Variants in BBS9 observed in about 807,000 individuals in gnomAD.
BBS9 encodes the protein protein PTHB1.
Under a neutral mutation model 117.7 loss-of-function variants are expected in BBS9, and 89 were observed. The ratio of observed to expected loss-of-function variants is 0.76; its 90% CI spans 0.64 to 0.90. The LOEUF (loss-of-function observed/expected upper bound fraction) is 0.90. Among genes scored for constraint, BBS9 ranks in the 40% least tolerant of loss-of-function variants. The pLI, the probability that BBS9 is intolerant of heterozygous loss-of-function variation, is 0.00. For synonymous variants in BBS9, 379 were observed against 370.9 expected, an observed-to-expected ratio of 1.02 and a Z score of -0.25; for missense variants, 982 against 1,042.2, an observed-to-expected ratio of 0.94 and a Z score of 0.80.
chr7:33,306,985 G>A (rs1240361712), intron 9 of BBS9, among the ~76,000 whole-genome samples: 4 of 152,052 alleles, frequency 2.6e-5, no homozygotes, highest in Non-Finnish European at 4.4e-5. Flanking sequence ...GTATGTACGC[G>A]GTATCTGTGA....
At chr7:33,357,804 G>A in intron 15 of BBS9, 51 bp from the exon 16 acceptor site, 1 of 1,558,104 alleles carries the variant, frequency 6.4e-7, no homozygotes, top group Non-Finnish European at 8.8e-7. Context: ...ATTTTTTTTT[G>A]CCAAATTATT....
Position 33,605,198 on chromosome 7 carries a change from T to A in BBS9, c.2636T>A (p.Val879Asp), listed in dbSNP as rs976242629. Residue 879 changes from valine to aspartate, a missense_variant, in exon 23 of 23, where the codon GTT becomes GAT. Physicochemically the swap from Val to Asp is radical, Grantham distance 152 (BLOSUM62 -3). Coordinates refer to ENST00000242067, the MANE Select transcript of BBS9 (RefSeq NM_198428.3). Reference protein sequence around the residue: ...HLTAETPRPEVSPLQGVSE With the variant: ...HLTAETPRPEDSPLQGVSE ...CTCTTACTCTCTTTTTTTCCAGAAG[T>A]TTCACCCCTCCAAGGAGTCTCGGAA... is the stretch of plus-strand genomic sequence containing the variant. 2 of 1,612,244 alleles carry A rather than the reference T, an allele frequency of 1.2e-6. No individual in the cohort carries two copies. Among genetic ancestry groups the A allele is most frequent in the African/African-American group, 2.7e-5 (2 of 74,850 alleles).
At chr7:33,272,092 A>C (rs1198038638) in intron 7 of BBS9, among the ~76,000 whole-genome samples, 1 of 152,184 alleles carries the variant, frequency 6.6e-6, no homozygotes, top group Non-Finnish European at 1.5e-5. Context: ...CATTTGCAGA[A>C]ACATGGATGG....
intron 5 of BBS9, among the ~76,000 whole-genome samples, chr7:33,194,719 A>G (rs17395534): frequency 0.046 from 7,019 of 152,272 alleles, 237 homozygotes; most frequent in East Asian, 0.16. Flanking sequence ...TAATGTGGTC[A>G]GATCATTCTT....
At chr7:33,149,567 GGA>G (rs933678311) in intron 2 of BBS9, among the ~76,000 whole-genome samples, 2 of 152,156 alleles carry the variant, frequency 1.3e-5, no homozygotes, top group Non-Finnish European at 2.9e-5. Context: ...TGAGAATGAG[GGA>G]GAGAGAGAGG....
At chr7:33,328,043 A>AT (rs1813203942) in intron 9 of BBS9, among the ~76,000 whole-genome samples, 1 of 152,152 alleles carries the variant, frequency 6.6e-6, no homozygotes, top group African/African-American at 2.4e-5. Context: ...AGGGGGCTGG[A>AT]TGTACATGTC....
At chr7:33,173,154 C>T (rs951036157) in intron 4 of BBS9, among the ~76,000 whole-genome samples, 1 of 152,184 alleles carries the variant, frequency 6.6e-6, no homozygotes, top group African/African-American at 2.4e-5. Context: ...ATCCTCTATG[C>T]CTGGACTCAG....
intron 19 of BBS9, among the ~76,000 whole-genome samples, chr7:33,489,312 C>G (rs577866561): frequency 3.3e-5 from 4 of 121,836 alleles, no homozygotes; most frequent in Non-Finnish European, 6.9e-5. Flanking sequence ...CTTCTTTAAA[C>G]AAAAATAACC....
At chr7:33,293,889 G>T (rs1053940007) in intron 9 of BBS9, among the ~76,000 whole-genome samples, 2 of 149,656 alleles carry the variant, frequency 1.3e-5, no homozygotes, top group East Asian at 2.0e-4. Flanking sequence ...CTTTTTCTTC[G>T]TGAAGAGATC....
chr7:33,507,397 T>G (rs1043028150), intron 20 of BBS9, among the ~76,000 whole-genome samples: 2 of 152,054 alleles, frequency 1.3e-5, no homozygotes, highest in African/African-American at 4.8e-5. Flanking sequence ...CGTGCCACCA[T>G]GCCTAACTAA....
Position 33,463,131 on chromosome 7 carries a change from T to C in BBS9, c.2116-42332T>C, listed in dbSNP as rs78534021. Among the ~76,000 whole-genome samples, 40 of 152,168 alleles carry C rather than the reference T, an allele frequency of 2.6e-4. 1 individual carries two copies. The East Asian group carries it at 7.7e-3, about 29-fold the overall frequency. The stretch of plus-strand genomic sequence containing the variant: ...CCAAGACTTTTTAAAGGGAGTGGTA[T>C]TCCCAGGCTCTCTTTGTATTTAGTT... On this transcript the variant is annotated intron_variant, in intron 19 of 22. Transcript: ENST00000242067.
intron 11 of BBS9, among the ~76,000 whole-genome samples, chr7:33,344,348 C>T (rs564944221): frequency 2.0e-5 from 3 of 151,838 alleles, no homozygotes; most frequent in Non-Finnish European, 4.4e-5. Flanking sequence ...GGATTACAGG[C>T]GTGAGCCACC....
intron 1 of BBS9, among the ~76,000 whole-genome samples, chr7:33,135,555 G>A (rs1175405333): frequency 6.6e-6 from 1 of 152,198 alleles, no homozygotes; most frequent in African/African-American, 2.4e-5. Flanking sequence ...CCTTATGCTA[G>A]TGCCATACTG....
intron 19 of BBS9, among the ~76,000 whole-genome samples, chr7:33,491,379 G>A (rs1240782795): frequency 6.6e-6 from 1 of 152,146 alleles, no homozygotes; most frequent in East Asian, 1.9e-4. Flanking sequence ...TGGGAGAGGT[G>A]CCTAACAAGC....
intron 20 of BBS9, chr7:33,533,667 A>G (rs193197736): frequency 3.2e-5 from 15 of 465,184 alleles, no homozygotes; most frequent in Admixed American, 2.0e-4. Flanking sequence ...TGCCTGGCTC[A>G]GAGCTAAACC....
rs1393491942 is a variant in BBS9, at chr7:33,286,302, A to AT, written c.1016+12348dup. 2.0e-5 allele frequency among the ~76,000 whole-genome samples: 3 copies of AT among 152,106 alleles called. No homozygotes were observed. In the East Asian group the frequency reaches 5.8e-4, roughly 29 times the overall value. On this transcript the variant is annotated intron_variant, in intron 9 of 22. Transcript: ENST00000242067. Reference sequence around the variant, plus strand: ...TGGGTTCCTCATTCTGTATCCCATAATTGATATATGGGGGATTCAGTTGCA... The same window carrying AT: ...TGGGTTCCTCATTCTGTATCCCATAATTTGATATATGGGGGATTCAGTTGCA...
chr7:33,291,736 T>C (rs1430953229), intron 9 of BBS9, among the ~76,000 whole-genome samples: 1 of 152,210 alleles, frequency 6.6e-6, no homozygotes, highest in Non-Finnish European at 1.5e-5. Context: ...CAAAGTTTGG[T>C]GTTCTAAAGA....
At chr7:33,634,117 T>C (rs1866030268) in intron 21 of BBS9, among the ~76,000 whole-genome samples, 1 of 152,196 alleles carries the variant, frequency 6.6e-6, no homozygotes, top group South Asian at 2.1e-4. Flanking sequence ...CCGTCTCCCA[T>C]GGAGATCCAT....
rs144753102 is a variant in BBS9, at chr7:33,626,831, G to A, written c.2522-8346G>A. On this transcript the variant is annotated intron_variant, in intron 21 of 21. Transcript: ENST00000671952. ...GCTGCTTCTAACAGTATATGGTCAT[G>A]TGCATGAGCAAAGAGATGTCCTGAA... Among the ~76,000 whole-genome samples the A allele has an allele frequency of 5.3e-3, 807 of 152,334 alleles. 7 individuals are homozygous for A. Among genetic ancestry groups the A allele is most frequent in the African/African-American group, 0.019 (788 of 41,576 alleles).
Sources: allele counts gnomAD v4.1 joint callset (sites outside exome capture counted in the v4.1 genomes callset), GRCh38; gene constraint gnomAD v4.1.1; transcripts MANE v1.5; gene names NCBI Gene and HGNC (gene_info 2026-07-23, HGNC 2026-07-21).